EEF1G: variants seen among roughly 807,000 people sequenced by gnomAD.
EEF1G encodes eukaryotic translation elongation factor 1 gamma.
EEF1G carries 14 observed loss-of-function variants against 58.3 expected under a neutral mutation model. That is an observed-to-expected ratio of 0.24 (90% CI 0.16 to 0.38). EEF1G has a LOEUF of 0.38. Ranked by LOEUF, EEF1G falls within the 10% of genes least tolerant of loss-of-function variation. The probability of loss-of-function intolerance (pLI) is 1.00; values close to 1 mark genes in which losing one functional copy is unlikely to be tolerated. For synonymous variants in EEF1G, 180 were observed against 206.8 expected (o/e 0.87, Z 1.11); for missense variants, 322 against 550.1 (o/e 0.59, Z 4.15).
chr11:62,567,241 A>C (rs909232598), intron 6 of EEF1G, among the ~76,000 whole-genome samples, 158 bp downstream of exon 6: 2 of 152,212 alleles, frequency 1.3e-5, no homozygotes, highest in Non-Finnish European at 2.9e-5. Context: ...TCAGGGTATG[A>C]GTGTACACGA....
intron 4 of EEF1G, 98 bp from the exon 5 acceptor site, chr11:62,571,206 T>C: frequency 6.4e-7 from 1 of 1,558,086 alleles, no homozygotes; most frequent in South Asian, 1.1e-5. Context: ...CACCTAGAAG[T>C]CTGAGCTCAC....
At chr11:62,572,136 T>C (rs1277488479) in intron 2 of EEF1G, among the ~76,000 whole-genome samples, 1 of 152,024 alleles carries the variant, frequency 6.6e-6, no homozygotes. Flanking sequence ...GATATTTGTA[T>C]GAAATCTCTG....
chr11:62,559,795 G>T lies in EEF1G; in HGVS notation c.1198C>A (p.Arg400=). The change falls in exon 10 of 10, where the codon CGG becomes AGG. Residue 400 remains arginine (R), a synonymous_variant. Coordinates refer to ENST00000329251, the MANE Select transcript of EEF1G (RefSeq NM_001404.5). ...TCCTCGCTGCCAGGATCCAGTTTCC[G>T]CCATGTGTATGACTCGTAGTCCACC... ...WQVDYESYTW[R]KLDPGSEETQ... The T allele has an allele frequency of 1.9e-6, 3 of 1,613,946 alleles. No individual in the cohort carries two copies. The highest frequency in any genetic ancestry group is 2.5e-6 in the Non-Finnish European group (3 of 1,179,886).
intron 5 of EEF1G, among the ~76,000 whole-genome samples, chr11:62,569,545 G>A (rs529625260): frequency 3.6e-4 from 55 of 152,282 alleles, no homozygotes; most frequent in African/African-American, 1.2e-3. Context: ...ATTAAGCATG[G>A]TCAAAGAAAA....
intron 1 of EEF1G, 123 bp downstream of exon 1, chr11:62,573,708 T>G: frequency 7.2e-7 from 1 of 1,386,576 alleles, no homozygotes; most frequent in Non-Finnish European, 1.0e-6. Context: ...AGCAGTACAG[T>G]CTGTAGACCC....
At chr11:62,571,177 G>C (rs1941626353) in intron 4 of EEF1G, 69 bp from the exon 5 acceptor site, 3 of 1,604,586 alleles carry the variant, frequency 1.9e-6, no homozygotes, top group Non-Finnish European at 2.6e-6. Flanking sequence ...CCCATTAATA[G>C]AACTAAGAGG....
Position 62,560,298 on chromosome 11 carries a change from G to A in EEF1G, c.1014C>T (p.Ser338=), listed in dbSNP as rs964956216. The stretch of plus-strand genomic sequence containing the variant: ...CTCTCTTACCAGTGATGAGATTGCA[G>A]CTCATGAAGGTCTGAGTGAGTTCTT... ...FPEELTQTFM[S]CNLITGMFQR... Residue 338 remains serine (S), a synonymous_variant, in exon 8 of 10, where the codon AGC becomes AGT. Transcript: ENST00000329251. 5.0e-6 allele frequency: 8 copies of A among 1,613,248 alleles called. No homozygotes were observed. Among genetic ancestry groups the A allele is most frequent in the Non-Finnish European group, 6.8e-6 (8 of 1,179,534 alleles).
At chr11:62,566,687 A>G in intron 7 of EEF1G, 119 bp downstream of exon 7, 1 of 955,496 alleles carries the variant, frequency 1.0e-6, no homozygotes, top group Non-Finnish European at 1.6e-6. Context: ...ACTAAAATAT[A>G]CCTTTAACTT....
At chr11:62,561,670 AC>A (rs1470906314) in intron 7 of EEF1G, among the ~76,000 whole-genome samples, 1,064 of 77,384 alleles carry the variant, frequency 0.014, 15 homozygotes, top group Non-Finnish European at 0.021. Context: ...CAAAAAAAAA[AC>A]AAAAAAAAAA....
rs1464109449 is a variant in EEF1G, at chr11:62,559,657, G to A, written c.*22C>T. On this transcript the variant is annotated 3_prime_UTR_variant, in exon 10 of 10. Transcript: ENST00000329251. ...TCTCCCTGAAGGGCAGGTGCAGGCA[G>A]CTAGGTGATGGCAAGAGATGTTCAC... 6.2e-7 allele frequency: 1 copy of A among 1,612,988 alleles called. No individual in the cohort carries two copies. The highest frequency in any genetic ancestry group is 8.5e-7 in the Non-Finnish European group (1 of 1,179,256).
chr11:62,573,539 T>G (rs1279208329), intron 1 of EEF1G: 1 of 552,422 alleles, frequency 1.8e-6, no homozygotes, highest in Admixed American at 3.2e-5. Context: ...CCTGCCCAGA[T>G]ACCACGCCTC....
At chr11:62,561,332 T>C (rs1326524838) in intron 7 of EEF1G, among the ~76,000 whole-genome samples, 7 of 150,736 alleles carry the variant, frequency 4.6e-5, no homozygotes, top group Admixed American at 2.0e-4. Flanking sequence ...TGAGCAGAGA[T>C]CGCGCCACTG....
Position 62,566,932 on chromosome 11 carries a change from G to A in EEF1G, c.731C>T (p.Pro244Leu), listed in dbSNP as rs768249627. Reference protein sequence around the residue: ...EKGSREEKQKPQAERKEEKKA... With the variant: ...EKGSREEKQKLQAERKEEKKA... ...TTTCTCCTCCTTCCGCTCAGCCTGG[G>A]GCTTCTGCTTCTCTTCCCGTGAACC... The change falls in exon 7 of 10, where the codon CCC becomes CTC. Residue 244 changes from proline (P) to leucine (L), a missense_variant. Coordinates refer to ENST00000329251, the MANE Select transcript of EEF1G (RefSeq NM_001404.5). The A allele has an allele frequency of 6.2e-7, 1 of 1,613,952 alleles. No homozygotes were observed. The highest frequency in any genetic ancestry group is 1.1e-5 in the South Asian group (1 of 91,086).
intron 1 of EEF1G, chr11:62,572,985 C>G (rs191849467): frequency 2.9e-6 from 1 of 342,680 alleles, no homozygotes; most frequent in Non-Finnish European, 5.3e-6. Flanking sequence ...CTAAGGACAC[C>G]TCTGGAAGTA....
chr11:62,560,223 T>C, intron 8 of EEF1G, 30 bp from the exon 9 acceptor site: 2 of 1,613,992 alleles, frequency 1.2e-6, no homozygotes, highest in Non-Finnish European at 1.7e-6. Context: ...CATTCAGCCT[T>C]TGGAATCACA....
chr11:62,569,085 G>GCACACACA (rs58533891), intron 5 of EEF1G, among the ~76,000 whole-genome samples: 2 of 149,294 alleles, frequency 1.3e-5, no homozygotes, highest in African/African-American at 2.5e-5. Context: ...ATACACACAC[G>GCACACACA]CACACACACA....
intron 5 of EEF1G, among the ~76,000 whole-genome samples, chr11:62,570,333 A>T (rs139456212): frequency 3.0e-4 from 45 of 152,240 alleles, no homozygotes; most frequent in African/African-American, 1.0e-3. Context: ...AAGTGCTGGG[A>T]TTATAGGTGT....
rs1433078213 is a variant in EEF1G, at chr11:62,561,589, G to A, written c.858-1135C>T. Among the ~76,000 whole-genome samples, 11 of 139,814 alleles carry A rather than the reference G, an allele frequency of 7.9e-5. No homozygotes were observed. The East Asian group carries it at 2.3e-3, about 29-fold the overall frequency. The allele number at this position is 139,814 out of a possible 152,430, so 91.7% of individuals were successfully genotyped here. ...GGAGGCAGGGACAGGAGACTTGCTC[G>A]AACCCAGGAGACAGAGGCTGCAGTG... On this transcript the variant is annotated intron_variant, in intron 7 of 9. Transcript: ENST00000329251.
chr11:62,561,510 TAA>T (rs71458419), intron 7 of EEF1G, among the ~76,000 whole-genome samples: 24 of 102,316 alleles, frequency 2.3e-4, no homozygotes, highest in Admixed American at 3.2e-4. Flanking sequence ...CTATCTCTAC[TAA>T]AAAAAAAAAA....
Sources: gnomAD v4.1 joint callset for allele counts (sites outside exome capture counted in the v4.1 genomes callset) on GRCh38, gnomAD v4.1.1 for gene constraint, MANE v1.5 for transcripts, NCBI Gene and HGNC (gene_info 2026-07-23, HGNC 2026-07-21) for gene names.